The following NBEA variants were observed in gnomAD, a reference collection of about 807,000 sequenced individuals.
NBEA encodes lysosomal-trafficking regulator 2.
A neutral mutation model predicts 343.4 loss-of-function variants in NBEA; 44 were observed. The ratio of observed to expected loss-of-function variants is 0.13; its 90% CI spans 0.10 to 0.16. The LOEUF (loss-of-function observed/expected upper bound fraction) is 0.16. Ranked by LOEUF, NBEA falls within the 10% of genes least tolerant of loss-of-function variation. The pLI is 1.00. For synonymous variants in NBEA, 1,175 were observed against 1,238.7 expected (o/e 0.95, Z 1.08); for missense variants, 2,555 against 3,631.3 (o/e 0.70, Z 7.62).
Position 35,614,380 on chromosome 13 carries a change from A to G in NBEA, c.7449+7802A>G, listed in dbSNP as rs563741728. The stretch of plus-strand genomic sequence containing the variant: ...GAAGTGATATAATTCCATATCTATT[A>G]TTTTCTACTTTCTTCTTCAGGTTGT... On this transcript the variant is annotated intron_variant, in intron 48 of 58. Coordinates refer to ENST00000379939, the MANE Select transcript of NBEA (RefSeq NM_001385012.1). 2.8e-4 allele frequency among the ~76,000 whole-genome samples: 43 copies of G among 152,202 alleles called. No individual in the cohort carries two copies. In the South Asian group the frequency reaches 6.4e-3, roughly 23 times the overall value.
chr13:35,331,231 A>G (rs1391632146), intron 36 of NBEA, among the ~76,000 whole-genome samples: 2 of 151,974 alleles, frequency 1.3e-5, no homozygotes, highest in East Asian at 1.9e-4. Flanking sequence ...GAGATTTTGG[A>G]GCCAGAGGAA....
intron 13 of NBEA, among the ~76,000 whole-genome samples, chr13:35,111,640 A>G (rs1470181141): frequency 6.6e-6 from 1 of 152,000 alleles, no homozygotes; most frequent in Non-Finnish European, 1.5e-5. Context: ...GTAGTAATGT[A>G]AGGGGATGTA....
chr13:35,326,233 G>A (rs1043967338), intron 36 of NBEA, among the ~76,000 whole-genome samples: 4 of 152,014 alleles, frequency 2.6e-5, no homozygotes, highest in African/African-American at 9.6e-5. Flanking sequence ...CTGTAGTATG[G>A]CTATTTTAAT....
At chr13:35,373,101 C>T (rs746625521) in intron 38 of NBEA, among the ~76,000 whole-genome samples, 11 of 152,126 alleles carry the variant, frequency 7.2e-5, no homozygotes, top group Non-Finnish European at 1.3e-4. Flanking sequence ...GGTCTCTCAC[C>T]CTTTTCCCAT....
chr13:35,612,690 A>T (rs1348713834), intron 48 of NBEA, among the ~76,000 whole-genome samples: 1 of 152,120 alleles, frequency 6.6e-6, no homozygotes, highest in Non-Finnish European at 1.5e-5. Flanking sequence ...TATACCCCAA[A>T]TTTTTTGAAT....
At chr13:35,521,291 A>G (rs959945398) in intron 41 of NBEA, among the ~76,000 whole-genome samples, 1 of 152,178 alleles carries the variant, frequency 6.6e-6, no homozygotes, top group Non-Finnish European at 1.5e-5. Flanking sequence ...ACCCTGCAGG[A>G]AAAGGCAAAA....
At chr13:35,125,346 C>A (rs2067064683) in intron 17 of NBEA, among the ~76,000 whole-genome samples, 1 of 152,016 alleles carries the variant, frequency 6.6e-6, no homozygotes, top group Admixed American at 6.6e-5. Context: ...TAGGAAGTGT[C>A]AGTGAAAGTA....
At position 35,233,437 on chromosome 13, in the gene NBEA, G is replaced by A. The variant is rs117788503; in HGVS notation, c.5776+818G>A. 4.1e-3 allele frequency among the ~76,000 whole-genome samples: 619 copies of A among 152,142 alleles called. 3 individuals carry two copies. Among genetic ancestry groups the A allele is most frequent in the South Asian group, 7.7e-3 (37 of 4,824 alleles). Reference sequence around the variant, plus strand: ...GGAAGACTGTGATAGTTAATGACTCGGCATCTGGGAGCTGACTTTGAATCC... The same window carrying A: ...GGAAGACTGTGATAGTTAATGACTCAGCATCTGGGAGCTGACTTTGAATCC... On this transcript the variant is annotated intron_variant, in intron 34 of 58. Transcript: ENST00000379939.
At chr13:35,114,899 A>G (rs2066418712) in intron 13 of NBEA, among the ~76,000 whole-genome samples, 2 of 152,252 alleles carry the variant, frequency 1.3e-5, no homozygotes, top group South Asian at 4.1e-4. Context: ...ATTTTAAACA[A>G]ATGCTTTCTT....
At chr13:35,336,615 A>T (rs979517918) in intron 36 of NBEA, among the ~76,000 whole-genome samples, 6 of 152,178 alleles carry the variant, frequency 3.9e-5, no homozygotes, top group Admixed American at 3.9e-4. Context: ...AGAGACATGG[A>T]ATCAACATAA....
intron 38 of NBEA, among the ~76,000 whole-genome samples, chr13:35,416,773 C>G (rs1594554467): frequency 6.6e-6 from 1 of 152,066 alleles, no homozygotes; most frequent in Non-Finnish European, 1.5e-5. Flanking sequence ...GGGAGGATTC[C>G]CTCTTTTTCT....
intron 33 of NBEA, among the ~76,000 whole-genome samples, chr13:35,218,687 T>G (rs1294188546): frequency 6.6e-6 from 1 of 151,960 alleles, no homozygotes; most frequent in African/African-American, 2.4e-5. Context: ...TATTTGTAAT[T>G]AACAAAAACT....
intron 38 of NBEA, among the ~76,000 whole-genome samples, chr13:35,425,533 C>T (rs1052162675): frequency 7.2e-5 from 11 of 152,138 alleles, no homozygotes; most frequent in African/African-American, 2.4e-4. Context: ...AATTTCTGTT[C>T]TTTTACATTT....
chr13:35,139,744 G>GATTTT (rs748664053), intron 17 of NBEA, among the ~76,000 whole-genome samples: 1 of 61,130 alleles, frequency 1.6e-5, no homozygotes, highest in African/African-American at 7.7e-5. Context: ...GATGGATGGC[G>GATTTT]TTTTTTTTTT....
chr13:35,356,332 A>G (rs1468840260), intron 38 of NBEA, among the ~76,000 whole-genome samples: 1 of 152,204 alleles, frequency 6.6e-6, no homozygotes, highest in African/African-American at 2.4e-5. Context: ...TGGAGTCACA[A>G]GTTCCTCAAA....
chr13:35,363,722 G>T (rs942600713), intron 38 of NBEA, among the ~76,000 whole-genome samples: 3 of 151,920 alleles, frequency 2.0e-5, no homozygotes, highest in East Asian at 1.9e-4. Context: ...ACATCTATCC[G>T]ATTCGAAGGT....
At chr13:35,276,461 G>A (rs573424053) in intron 34 of NBEA, among the ~76,000 whole-genome samples, 1 of 152,156 alleles carries the variant, frequency 6.6e-6, no homozygotes, top group African/African-American at 2.4e-5. Flanking sequence ...GGTTTGGTTT[G>A]GAGGGCATAC....
intron 1 of NBEA, among the ~76,000 whole-genome samples, chr13:35,026,006 C>A (rs550723996): frequency 1.3e-5 from 2 of 152,004 alleles, no homozygotes; most frequent in East Asian, 3.9e-4. Context: ...CTCTGTGTCC[C>A]AACCCAAGTC....
At chr13:35,138,349 C>T (rs1351446764) in intron 17 of NBEA, among the ~76,000 whole-genome samples, 2 of 151,652 alleles carry the variant, frequency 1.3e-5, no homozygotes, top group Non-Finnish European at 2.9e-5. Flanking sequence ...AAGGAAATAA[C>T]CATGGTTATG....
Sources: allele counts gnomAD v4.1 joint callset (sites outside exome capture counted in the v4.1 genomes callset), GRCh38; gene constraint gnomAD v4.1.1; transcripts MANE v1.5; gene names NCBI Gene and HGNC (gene_info 2026-07-23, HGNC 2026-07-21).